SLA2: variants seen among roughly 807,000 people sequenced by gnomAD.
The protein encoded by SLA2 is src-like-adapter 2.
SLA2 carries 22 observed loss-of-function variants against 27.3 expected under a neutral mutation model. That is an observed-to-expected ratio of 0.81 (90% CI 0.58 to 1.15). The LOEUF (loss-of-function observed/expected upper bound fraction) is 1.15, where lower values mean the gene tolerates loss of function less well. Among genes scored for constraint, SLA2 ranks in the 50% most tolerant of loss-of-function variants. SLA2 has a pLI of 0.00. For missense variants in SLA2, 304 were observed against 322.2 expected (o/e 0.94, Z 0.43); for synonymous variants, 131 against 137.8 (o/e 0.95, Z 0.34).
intron 2 of SLA2, 71 bp from the exon 3 acceptor site, chr20:36,634,660 G>T: frequency 9.7e-7 from 1 of 1,027,332 alleles, no homozygotes; most frequent in Non-Finnish European, 1.4e-6. Context: ...AGTGGAGTCT[G>T]GCCTGGGTCT....
chr20:36,636,063 G>A (rs1036440056), intron 2 of SLA2, among the ~76,000 whole-genome samples: 1 of 152,060 alleles, frequency 6.6e-6, no homozygotes, highest in African/African-American at 2.4e-5. Context: ...GACTGTGCCA[G>A]TCTTGTCCAC....
chr20:36,640,523 T>A (rs980746955), intron 2 of SLA2, among the ~76,000 whole-genome samples: 1 of 150,970 alleles, frequency 6.6e-6, no homozygotes, highest in Non-Finnish European at 1.5e-5. Context: ...TTTTTTTTTT[T>A]TGTTAGACGA....
At chr20:36,634,647 T>A in intron 2 of SLA2, 58 bp from the exon 3 acceptor site, 1 of 1,133,294 alleles carries the variant, frequency 8.8e-7, no homozygotes, top group Non-Finnish European at 1.3e-6. Flanking sequence ...ACGCATGAGG[T>A]CTAGTGGAGT....
At chr20:36,634,623 G>T in intron 2 of SLA2, 34 bp from the exon 3 acceptor site, 2 of 1,426,848 alleles carry the variant, frequency 1.4e-6, no homozygotes, top group Non-Finnish European at 9.8e-7. Context: ...CACCTACTTA[G>T]CTAGCCCTGC....
intron 1 of SLA2, among the ~76,000 whole-genome samples, chr20:36,643,312 G>GTGTCTTTCTTTTCAGATGA (rs1568611829): frequency 6.6e-6 from 1 of 152,158 alleles, no homozygotes; most frequent in Non-Finnish European, 1.5e-5. Context: ...TTTTCAGATG[G>GTGTCTTTCTTTTCAGATGA]TTTCATTCTT....
chr20:36,614,942 A>G (rs1378230756), intron 6 of SLA2: 7 of 985,260 alleles, frequency 7.1e-6, no homozygotes, highest in Non-Finnish European at 8.4e-6. Context: ...TCCTGTGGAG[A>G]GAACTCTGCC....
intron 2 of SLA2, among the ~76,000 whole-genome samples, chr20:36,636,303 C>T (rs1160874215): frequency 6.6e-6 from 1 of 150,536 alleles, no homozygotes; most frequent in African/African-American, 2.5e-5. Flanking sequence ...CGCCTGTAGT[C>T]CCAGCTACTC....
chr20:36,636,244 C>T (rs1393262335), intron 2 of SLA2, among the ~76,000 whole-genome samples: 3 of 149,748 alleles, frequency 2.0e-5, no homozygotes, highest in African/African-American at 5.0e-5. Context: ...GGTGAAACCC[C>T]GTCTCTACTA....
rs1555791294 is a variant in SLA2, at chr20:36,612,919, T to TAGAG, written c.*943_*946dup. The TAGAG allele has an allele frequency of 4.6e-5, 7 of 153,546 alleles. No individual in the cohort carries two copies. Among genetic ancestry groups the TAGAG allele is most frequent in the African/African-American group, 1.7e-4 (7 of 41,554 alleles). 9.5% of individuals were successfully genotyped at this position (153,546 alleles called of 1,614,324 possible). On this transcript the variant is annotated 3_prime_UTR_variant, in exon 8 of 8. Coordinates refer to ENST00000262866, the MANE Select transcript of SLA2 (RefSeq NM_032214.4). ...GGGAATGGTAAGCCACAAAATGAAA[T>TAGAG]AGAGATCTGAGAGCTAGGCTGGGTG...
intron 5 of SLA2, among the ~76,000 whole-genome samples, chr20:36,626,703 G>T (rs968109630): frequency 6.6e-6 from 1 of 151,808 alleles, no homozygotes; most frequent in African/African-American, 2.4e-5. Context: ...AATTAGCCGG[G>T]TGTGGTGGCA....
intron 5 of SLA2, among the ~76,000 whole-genome samples, chr20:36,619,525 CA>C (rs1165421548): frequency 1.4e-5 from 2 of 138,350 alleles, no homozygotes; most frequent in African/African-American, 5.3e-5. Flanking sequence ...GACTCTGTGT[CA>C]AAAAAAAAAT....
Position 36,613,478 on chromosome 20 carries a change from A to G in SLA2, c.*388T>C, listed in dbSNP as rs1211894854. 6.0e-6 allele frequency: 1 copy of G among 167,546 alleles called. No homozygotes were observed. Among genetic ancestry groups the G allele is most frequent in the Non-Finnish European group, 1.3e-5 (1 of 78,524 alleles). The allele number at this position is 167,546 out of a possible 1,614,324, so 10.4% of individuals were successfully genotyped here. Reference sequence around the variant, plus strand: ...CTCGTTGACTCTAGGGGTTGTTTCTACCTTGTGGGTGGGGCCTGGTTAATG... The same window carrying G: ...CTCGTTGACTCTAGGGGTTGTTTCTGCCTTGTGGGTGGGGCCTGGTTAATG... On this transcript the variant is annotated 3_prime_UTR_variant, in exon 8 of 8. Transcript: ENST00000262866.
rs2039173987 is a variant in SLA2, at chr20:36,614,001, A to C, written c.666-15T>G. 12 of 1,612,844 alleles carry C rather than the reference A, an allele frequency of 7.4e-6. No homozygotes were observed. The highest frequency in any genetic ancestry group is 1.0e-5 in the Non-Finnish European group (12 of 1,179,720). ...ACAGGAGGGAGCTGTGGACAAAGGA[A>C]GATAATTGGGTCAAGAAGCCTCTTC... On this transcript the variant is annotated splice_polypyrimidine_tract_variant and intron_variant, in intron 7 of 7. Transcript: ENST00000262866.
rs1568600070 is a variant in SLA2, at chr20:36,615,385, A to G, written c.383-11T>C. 1.9e-6 allele frequency: 3 copies of G among 1,612,938 alleles called. No homozygotes were observed. Among genetic ancestry groups the G allele is most frequent in the South Asian group, 2.2e-5 (2 of 91,016 alleles). ...ACAGAGAGTAAGAGCCTGAGGAGAAAGGGGTCCAGGGGTGGCACTGAGGCC... is the reference window on the plus strand; with the variant it reads ...ACAGAGAGTAAGAGCCTGAGGAGAAGGGGGTCCAGGGGTGGCACTGAGGCC... On this transcript the variant is annotated splice_polypyrimidine_tract_variant and intron_variant, in intron 5 of 7. Transcript: ENST00000262866.
At chr20:36,618,543 T>A (rs1302218016) in intron 5 of SLA2, among the ~76,000 whole-genome samples, 2 of 151,894 alleles carry the variant, frequency 1.3e-5, no homozygotes, top group Non-Finnish European at 1.5e-5. Context: ...GCCAACAAAT[T>A]TAAAAGGATT....
chr20:36,626,777 G>A (rs1202003341), intron 5 of SLA2, among the ~76,000 whole-genome samples: 2 of 150,068 alleles, frequency 1.3e-5, no homozygotes, highest in Admixed American at 6.7e-5. Context: ...CCGGGAGGCA[G>A]AGCTTGCAGT....
At chr20:36,637,722 G>A (rs762742346) in intron 2 of SLA2, among the ~76,000 whole-genome samples, 2 of 136,384 alleles carry the variant, frequency 1.5e-5, no homozygotes, top group South Asian at 2.4e-4. Context: ...GACCTCCTGG[G>A]TTCAAGCGAT....
intron 5 of SLA2, among the ~76,000 whole-genome samples, chr20:36,616,399 C>G (rs937705590): frequency 2.7e-5 from 4 of 146,678 alleles, no homozygotes; most frequent in Non-Finnish European, 5.9e-5. Flanking sequence ...GGTGCAATCT[C>G]GGCTCACTGC....
chr20:36,615,403 C>A lies in SLA2; in HGVS notation c.383-29G>T, dbSNP rs199786782. ...AGGAGAAAGGGGTCCAGGGGTGGCACTGAGGCCCTGCTGGGACTCGGCCCC... is the reference window on the plus strand; with the variant it reads ...AGGAGAAAGGGGTCCAGGGGTGGCAATGAGGCCCTGCTGGGACTCGGCCCC... On this transcript the variant is annotated intron_variant, in intron 5 of 7. Transcript: ENST00000262866. 40 of 1,611,946 alleles carry A rather than the reference C, an allele frequency of 2.5e-5. No homozygotes were observed. The East Asian group carries it at 8.9e-4, about 36-fold the overall frequency.
Sources: allele counts gnomAD v4.1 joint callset (sites outside exome capture counted in the v4.1 genomes callset), GRCh38; gene constraint gnomAD v4.1.1; transcripts MANE v1.5; gene names NCBI Gene and HGNC (gene_info 2026-07-23, HGNC 2026-07-21).